Variants in XK observed in about 807,000 individuals in gnomAD.
The protein encoded by XK is X-linked Kx blood group antigen, Kell and VPS13A binding protein, also known as endoplasmic reticulum membrane adapter protein XK.
A neutral mutation model predicts 14.0 loss-of-function variants in XK; 2 were observed. That is an observed-to-expected ratio of 0.14 (90% CI 0.06 to 0.45). The LOEUF (loss-of-function observed/expected upper bound fraction) is 0.45. XK is among the 20% of genes least tolerant of loss of function. XK has a pLI of 0.98. For missense variants in XK, 235 were observed against 341.5 expected, an observed-to-expected ratio of 0.69 and a Z score of 2.46; for synonymous variants, 149 against 147.5, an observed-to-expected ratio of 1.01 and a Z score of -0.08.
At chrX:37,686,240 G>T in intron 1 of XK, 34 bp downstream of exon 1, 1 of 1,197,243 alleles carries the variant, frequency 8.4e-7, no homozygotes, top group Non-Finnish European at 1.1e-6. Flanking sequence ...GCCCCAGGCC[G>T]CAGCCTCGGT....
intron 1 of XK, among the ~76,000 whole-genome samples, chrX:37,691,153 G>A (rs1035791032): frequency 6.2e-5 from 7 of 112,264 alleles, no homozygotes; most frequent in Non-Finnish European, 9.4e-5. Context: ...AACTGATCAT[G>A]GAAGTTTTAC....
intron 2 of XK, among the ~76,000 whole-genome samples, chrX:37,708,576 G>A (rs782394923): frequency 5.4e-5 from 6 of 112,013 alleles, no homozygotes; most frequent in Admixed American, 9.4e-5. Flanking sequence ...ACAAATTTAC[G>A]CCAAAAGTAA....
chrX:37,697,961 C>T (rs1322093464), intron 2 of XK, among the ~76,000 whole-genome samples: 1 of 112,121 alleles, frequency 8.9e-6, no homozygotes, highest in Non-Finnish European at 1.9e-5. Context: ...ATAACGGACA[C>T]TGTGTCTGTG....
chrX:37,696,969 A>G (rs782294503), intron 2 of XK, among the ~76,000 whole-genome samples: 3 of 112,213 alleles, frequency 2.7e-5, no homozygotes, highest in African/African-American at 9.7e-5. Context: ...TCCTCCTTTT[A>G]TTAAAAACTA....
At chrX:37,717,062 A>G (rs1462503646) in intron 2 of XK, among the ~76,000 whole-genome samples, 1 of 111,836 alleles carries the variant, frequency 8.9e-6, no homozygotes, top group Non-Finnish European at 1.9e-5. Flanking sequence ...ACATAATAGA[A>G]GACAGACGTG....
intron 1 of XK, among the ~76,000 whole-genome samples, chrX:37,687,918 A>G: frequency 9.0e-6 from 1 of 111,041 alleles, no homozygotes; most frequent in Non-Finnish European, 1.9e-5. Flanking sequence ...ACCTGGAGCC[A>G]TTTAGTGAGG....
chrX:37,698,511 G>A (rs72619421), intron 2 of XK, among the ~76,000 whole-genome samples: 15,527 of 95,094 alleles, frequency 0.16, 1,114 homozygotes, highest in African/African-American at 0.18. Context: ...GATAAGGCGG[G>A]AGGATTGCTT....
At chrX:37,695,835 A>G (rs190764071) in intron 2 of XK, among the ~76,000 whole-genome samples, 1 of 112,063 alleles carries the variant, frequency 8.9e-6, no homozygotes, top group Admixed American at 9.5e-5. Context: ...ATGGATCAAC[A>G]TTTATATGTA....
At chrX:37,696,657 G>C (rs919680088) in intron 2 of XK, among the ~76,000 whole-genome samples, 2 of 112,570 alleles carry the variant, frequency 1.8e-5, no homozygotes, top group African/African-American at 6.5e-5. Context: ...CATGTGGTTA[G>C]AAATGCATTT....
At chrX:37,709,401 T>A (rs1927615143) in intron 2 of XK, among the ~76,000 whole-genome samples, 1 of 112,214 alleles carries the variant, frequency 8.9e-6, no homozygotes, top group Non-Finnish European at 1.9e-5. Context: ...TAGATTTAAG[T>A]TTTTAAATTA....
At chrX:37,708,763 CACAAAATTGTGTTCCTTT>C (rs2146823709) in intron 2 of XK, among the ~76,000 whole-genome samples, 1 of 112,480 alleles carries the variant, frequency 8.9e-6, no homozygotes, top group Admixed American at 9.3e-5. Flanking sequence ...AAAATGTTAA[CACAAAATTGTGTTCCTTT>C]CCAGACTCTT....
At chrX:37,698,065 A>G (rs782579969) in intron 2 of XK, among the ~76,000 whole-genome samples, 9 of 111,919 alleles carry the variant, frequency 8.0e-5, no homozygotes, top group Non-Finnish European at 1.7e-4. Context: ...ATCTTGGAGG[A>G]TGGGTTGGGT....
At chrX:37,689,804 T>C (rs1927169310) in intron 1 of XK, among the ~76,000 whole-genome samples, 1 of 112,356 alleles carries the variant, frequency 8.9e-6, no homozygotes, top group Non-Finnish European at 1.9e-5. Flanking sequence ...TATTGCGCAT[T>C]ATAATAGATA....
At position 37,727,880 on chromosome X, in the gene XK, C is replaced by T; in HGVS notation, c.753C>T (p.Tyr251=). ...ILINFFSFFL[Y]PWILFWCSGS... ...TCAACTTCTTCAGTTTCTTCTTGTA[C>T]CCCTGGATCCTCTTCTGGTGCAGTG... Residue 251 remains tyrosine, a synonymous_variant, in exon 3 of 3, where the codon TAC becomes TAT. Coordinates refer to ENST00000378616, the MANE Select transcript of XK (RefSeq NM_021083.4). 8.3e-7 allele frequency: 1 copy of T among 1,211,053 alleles called. No individual in the cohort carries two copies. The highest frequency in any genetic ancestry group is 1.1e-6 in the Non-Finnish European group (1 of 895,266).
chrX:37,725,491 T>G (rs1343175367), intron 2 of XK, among the ~76,000 whole-genome samples: 2 of 111,566 alleles, frequency 1.8e-5, no homozygotes. Context: ...TCATAGCTGT[T>G]GAGAATGCAA....
In XK at chrX:37,731,323, A is replaced by G. The variant is rs1490769001; in HGVS notation, c.*2861A>G. The stretch of plus-strand genomic sequence containing the variant: ...TGGGGGTGAAGTATGTCTTCAAAAT[A>G]TATTGAAGTAAGTTCATCAAACATG... On this transcript the variant is annotated 3_prime_UTR_variant, in exon 3 of 3. Coordinates refer to ENST00000378616, the MANE Select transcript of XK (RefSeq NM_021083.4). 3.6e-5 allele frequency: 4 copies of G among 112,155 alleles called. No individual in the cohort carries two copies. Among genetic ancestry groups the G allele is most frequent in the African/African-American group, 1.3e-4 (4 of 30,852 alleles). The allele number at this position is 112,155 out of a possible 1,213,427, so 9.2% of individuals were successfully genotyped here.
At chrX:37,724,814 C>A (rs1317890258) in intron 2 of XK, among the ~76,000 whole-genome samples, 1 of 109,590 alleles carries the variant, frequency 9.1e-6, no homozygotes. Flanking sequence ...AGAAAACAAA[C>A]AATCAAGTAA....
intron 2 of XK, among the ~76,000 whole-genome samples, chrX:37,707,803 T>C (rs182497752): frequency 0.041 from 4,602 of 111,351 alleles, 233 homozygotes; most frequent in African/African-American, 0.14. Context: ...CCAGATGGGG[T>C]GGCAGCCGGG....
At chrX:37,711,432 G>T (rs781875061) in intron 2 of XK, among the ~76,000 whole-genome samples, 1 of 112,507 alleles carries the variant, frequency 8.9e-6, no homozygotes, top group South Asian at 3.7e-4. Context: ...GTGTGGGTAA[G>T]GTAATGCCCA....
Sources: gnomAD v4.1 joint callset for allele counts (sites outside exome capture counted in the v4.1 genomes callset) on GRCh38, gnomAD v4.1.1 for gene constraint, MANE v1.5 for transcripts, NCBI Gene and HGNC (gene_info 2026-07-23, HGNC 2026-07-21) for gene names.